MSN: variants seen among roughly 807,000 people sequenced by gnomAD.
The protein encoded by MSN is moesin.
MSN carries 2 observed loss-of-function variants against 48.0 expected under a neutral mutation model. The observed-to-expected ratio is 0.04, with a 90% CI of 0.02 to 0.13. MSN has a LOEUF of 0.13. Ranked by LOEUF, MSN falls within the 10% of genes least tolerant of loss-of-function variation. The pLI is 1.00. For missense variants in MSN, 267 were observed against 470.1 expected, an observed-to-expected ratio of 0.57 and a Z score of 3.99; for synonymous variants, 146 against 166.9, an observed-to-expected ratio of 0.87 and a Z score of 0.97.
At chrX:65,666,376 G>A (rs746708578), upstream of MSN, among the ~76,000 whole-genome samples, 24 of 109,211 alleles carry the variant, frequency 2.2e-4, no homozygotes, top group Non-Finnish European at 3.8e-4. Flanking sequence ...GCCCTGGCTG[G>A]AGTGCACTGG....
At chrX:65,650,688 C>T (rs140714690) in intron 1 of MSN, among the ~76,000 whole-genome samples, 3 of 112,433 alleles carry the variant, frequency 2.7e-5, no homozygotes, top group African/African-American at 9.7e-5. Flanking sequence ...AAATCATGAT[C>T]TAATGGGGGA....
intron 2 of MSN, among the ~76,000 whole-genome samples, chrX:65,722,208 C>A (rs2071523992): frequency 8.9e-6 from 1 of 111,867 alleles, no homozygotes; most frequent in African/African-American, 3.3e-5. Flanking sequence ...ATAGTGGTAG[C>A]CCATCTTGGT....
At chrX:65,614,705 T>A (rs1411076446) in intron 1 of MSN, among the ~76,000 whole-genome samples, 3 of 77,292 alleles carry the variant, frequency 3.9e-5, no homozygotes, top group Admixed American at 3.6e-4. Flanking sequence ...TATTTTTTCT[T>A]TTTTTTTTTT....
intron 1 of MSN, among the ~76,000 whole-genome samples, chrX:65,658,894 G>A (rs1023316041): frequency 9.2e-6 from 1 of 108,983 alleles, no homozygotes; most frequent in Non-Finnish European, 1.9e-5. Context: ...ACCCAGGCTG[G>A]AGTGCAATGG....
chrX:65,656,418 C>T (rs1010109565), intron 1 of MSN, among the ~76,000 whole-genome samples: 9 of 110,170 alleles, frequency 8.2e-5, no homozygotes, highest in South Asian at 7.6e-4. Context: ...GGAATGTGTG[C>T]CCTTAGAGAA....
At chrX:65,709,987 T>A (rs949122745) in intron 1 of MSN, among the ~76,000 whole-genome samples, 4 of 111,953 alleles carry the variant, frequency 3.6e-5, no homozygotes, top group Non-Finnish European at 5.6e-5. Flanking sequence ...CCTCCACTTA[T>A]CTTCCTAGAC....
At chrX:65,589,960 G>T (rs1406281372) in intron 1 of MSN, among the ~76,000 whole-genome samples, 1 of 109,584 alleles carries the variant, frequency 9.1e-6, no homozygotes, top group African/African-American at 3.3e-5. Context: ...CTGCCTCCTG[G>T]GTTCAAGCGA....
chrX:65,654,442 A>G (rs764248542), intron 1 of MSN, among the ~76,000 whole-genome samples: 1 of 110,044 alleles, frequency 9.1e-6, no homozygotes. Flanking sequence ...TCTTATAGCC[A>G]ACCTTATATA....
chrX:65,666,609 A>G (rs1179966647), upstream of MSN, among the ~76,000 whole-genome samples: 1 of 110,641 alleles, frequency 9.0e-6, no homozygotes, highest in Non-Finnish European at 1.9e-5. Flanking sequence ...GTGAGCCACT[A>G]TGCCCGGCTC....
At chrX:65,729,793 T>A in intron 4 of MSN, 81 bp downstream of exon 4, 3 of 1,029,467 alleles carry the variant, frequency 2.9e-6, no homozygotes, top group Non-Finnish European at 3.9e-6. Context: ...CTCACAGGGA[T>A]GCCAGATCTG....
At chrX:65,647,181 A>G (rs1259377596) in intron 1 of MSN, among the ~76,000 whole-genome samples, 1 of 109,383 alleles carries the variant, frequency 9.1e-6, no homozygotes. Context: ...AGTAAGTTCT[A>G]TGGAGGAAAG....
chrX:65,706,565 G>A (rs2071364235), intron 1 of MSN, among the ~76,000 whole-genome samples: 1 of 112,150 alleles, frequency 8.9e-6, no homozygotes, highest in African/African-American at 3.2e-5. Flanking sequence ...TTCCCAAGCA[G>A]TGCTTCCCAG....
At chrX:65,646,637 G>A (rs777319000) in intron 1 of MSN, among the ~76,000 whole-genome samples, 41 of 111,712 alleles carry the variant, frequency 3.7e-4, no homozygotes, top group African/African-American at 1.0e-3. Context: ...TCATTATCCC[G>A]AGGATAACAT....
chrX:65,660,549 T>C (rs893131740), intron 1 of MSN, among the ~76,000 whole-genome samples: 33 of 109,955 alleles, frequency 3.0e-4, no homozygotes, highest in Non-Finnish European at 5.9e-4. Flanking sequence ...AGAATGGGCA[T>C]CCTTGTCTTG....
intron 2 of MSN, among the ~76,000 whole-genome samples, chrX:65,724,708 A>G (rs1451269973): frequency 9.6e-6 from 1 of 104,346 alleles, no homozygotes; most frequent in African/African-American, 4.1e-5. Flanking sequence ...TTTGTTTTTG[A>G]CAGTGTCTTG....
intron 1 of MSN, among the ~76,000 whole-genome samples, chrX:65,636,696 G>A (rs1402433120): frequency 2.3e-5 from 2 of 85,697 alleles, no homozygotes; most frequent in African/African-American, 4.9e-5. Flanking sequence ...GTAGTGAGCC[G>A]AGATCTCGCT....
At chrX:65,717,994 G>A (rs778120466) in intron 2 of MSN, among the ~76,000 whole-genome samples, 1 of 111,828 alleles carries the variant, frequency 8.9e-6, no homozygotes, top group East Asian at 2.8e-4. Flanking sequence ...AGGGGTAGGA[G>A]AGGGCTAGAA....
chrX:65,685,706 A>C (rs1360277904), intron 1 of MSN, among the ~76,000 whole-genome samples: 4 of 111,603 alleles, frequency 3.6e-5, no homozygotes, highest in African/African-American at 1.3e-4. Context: ...AGCAGTTCTC[A>C]TGCCTCAGCC....
intron 1 of MSN, among the ~76,000 whole-genome samples, chrX:65,705,522 A>G (rs780293950): frequency 1.8e-5 from 2 of 111,853 alleles, no homozygotes; most frequent in Non-Finnish European, 3.8e-5. Context: ...GGAGAGAAAA[A>G]CAAGAGGGGT....
Sources: gnomAD v4.1 joint callset for allele counts (sites outside exome capture counted in the v4.1 genomes callset) on GRCh38, gnomAD v4.1.1 for gene constraint, MANE v1.5 for transcripts, NCBI Gene and HGNC (gene_info 2026-07-23, HGNC 2026-07-21) for gene names.